The following GJB7 variants were observed in gnomAD, a reference collection of about 807,000 sequenced individuals.
GJB7 encodes gap junction protein beta 7.
For synonymous variants in GJB7, 87 were observed against 95.2 expected, an observed-to-expected ratio of 0.91 and a Z score of 0.50; for missense variants, 253 against 256.8, an observed-to-expected ratio of 0.99 and a Z score of 0.10.
At chr6:87,310,951 T>G (rs1275105048) in intron 2 of GJB7, among the ~76,000 whole-genome samples, 1 of 152,190 alleles carries the variant, frequency 6.6e-6, no homozygotes, top group Non-Finnish European at 1.5e-5. Context: ...GCAGAGTTCT[T>G]AGAGATGATT....
intron 1 of GJB7, among the ~76,000 whole-genome samples, chr6:87,326,513 G>T (rs371969131): frequency 1.1e-4 from 17 of 151,696 alleles, no homozygotes; most frequent in African/African-American, 2.4e-4. Flanking sequence ...TCTGCCTTCA[G>T]TTCGTTATGT....
chr6:87,295,708 C>T (rs979509170), intron 2 of GJB7, among the ~76,000 whole-genome samples: 4 of 152,122 alleles, frequency 2.6e-5, no homozygotes, highest in South Asian at 2.1e-4. Flanking sequence ...GCATGAAGGA[C>T]GTTGCCCCAC....
At chr6:87,305,582 A>G (rs1001381499) in intron 2 of GJB7, among the ~76,000 whole-genome samples, 25 of 152,154 alleles carry the variant, frequency 1.6e-4, no homozygotes, top group African/African-American at 4.6e-4. Context: ...AATCAATATT[A>G]TGAAAATGGC....
At chr6:87,313,449 T>G (rs1454876057) in intron 2 of GJB7, among the ~76,000 whole-genome samples, 1 of 152,238 alleles carries the variant, frequency 6.6e-6, no homozygotes, top group African/African-American at 2.4e-5. Context: ...CTTCCCAAAA[T>G]CTCTGTATTT....
intron 2 of GJB7, among the ~76,000 whole-genome samples, chr6:87,315,870 T>C (rs1272219481): frequency 6.6e-6 from 1 of 150,852 alleles, no homozygotes; most frequent in Non-Finnish European, 1.5e-5. Flanking sequence ...CCTGTTGACA[T>C]GTTTGGATGT....
chr6:87,294,851 C>T (rs961831918), intron 2 of GJB7, among the ~76,000 whole-genome samples: 1 of 152,044 alleles, frequency 6.6e-6, no homozygotes, highest in African/African-American at 2.4e-5. Context: ...GTTTTTTTCC[C>T]CACAATACAT....
chr6:87,314,337 A>T (rs1319440171), intron 2 of GJB7, among the ~76,000 whole-genome samples: 1 of 152,098 alleles, frequency 6.6e-6, no homozygotes, highest in Non-Finnish European at 1.5e-5. Flanking sequence ...TCTCTATCTC[A>T]GAGGGCTCCC....
At chr6:87,323,390 CATT>C (rs749361723) in intron 1 of GJB7, among the ~76,000 whole-genome samples, 17 of 152,096 alleles carry the variant, frequency 1.1e-4, no homozygotes, top group African/African-American at 1.7e-4. Context: ...GGACATCTAA[CATT>C]AGGTATATCT....
chr6:87,302,229 C>T (rs1176655654), intron 2 of GJB7, among the ~76,000 whole-genome samples: 1 of 152,086 alleles, frequency 6.6e-6, no homozygotes, highest in Non-Finnish European at 1.5e-5. Flanking sequence ...CAAACTTCTC[C>T]AAGCTAAAGG....
rs1167131006 is a variant in GJB7 at position 87,325,501 on chromosome 6, C to CT, written c.-205-2459dup. Among the ~76,000 whole-genome samples, 33 of 88,002 alleles carry CT rather than the reference C, an allele frequency of 3.7e-4. 1 individual carries two copies. The East Asian group carries it at 7.9e-3, about 21-fold the overall frequency. The allele number at this position is 88,002 out of a possible 152,430, so 57.7% of individuals were successfully genotyped here. On this transcript the variant is annotated intron_variant, in intron 1 of 2. Transcript: ENST00000525899. ...AGGGTTATTGAATTTTGTCAAAGGC[C>CT]TGTCTGCATCTATTGAGATAATCAT...
chr6:87,319,609 T>G (rs1047662723), intron 2 of GJB7, among the ~76,000 whole-genome samples: 21 of 152,338 alleles, frequency 1.4e-4, no homozygotes, highest in Admixed American at 1.2e-3. Context: ...TTAACTTATT[T>G]TGTCAGAAGA....
At chr6:87,287,195 G>A (rs1452974855) in intron 2 of GJB7, among the ~76,000 whole-genome samples, 2 of 152,146 alleles carry the variant, frequency 1.3e-5, no homozygotes, top group Non-Finnish European at 2.9e-5. Flanking sequence ...CTCCAGGCCT[G>A]CCATGAATTT....
intron 2 of GJB7, among the ~76,000 whole-genome samples, chr6:87,317,236 C>T (rs185002981): frequency 6.6e-5 from 10 of 151,540 alleles, no homozygotes; most frequent in Non-Finnish European, 8.8e-5. Context: ...TGATGGCACA[C>T]GCCTATAACT....
intron 2 of GJB7, among the ~76,000 whole-genome samples, chr6:87,288,838 T>G (rs1408817964): frequency 6.6e-6 from 1 of 152,202 alleles, no homozygotes; most frequent in Non-Finnish European, 1.5e-5. Flanking sequence ...ACCACTCTAA[T>G]CCATGCCACC....
intron 2 of GJB7, among the ~76,000 whole-genome samples, chr6:87,298,148 A>G (rs1582557979): frequency 6.6e-6 from 1 of 152,252 alleles, no homozygotes; most frequent in Non-Finnish European, 1.5e-5. Flanking sequence ...CTAGCTGAGA[A>G]CAACTAGAAT....
chr6:87,321,226 CAA>C (rs56855977), intron 2 of GJB7, among the ~76,000 whole-genome samples: 1,464 of 101,296 alleles, frequency 0.014, 20 homozygotes, highest in East Asian at 0.13. Context: ...CACTCCATCT[CAA>C]AAAAAAAAAA....
rs189659461 is a variant in GJB7, at chr6:87,324,745, C to T, written c.-205-1702G>A. Among the ~76,000 whole-genome samples the T allele has an allele frequency of 6.6e-3, 1,004 of 152,092 alleles. 15 individuals are homozygous for T. The highest frequency in any genetic ancestry group is 0.022 in the African/African-American group (905 of 41,448). On this transcript the variant is annotated intron_variant, in intron 1 of 2. Transcript: ENST00000525899. ...TTCTTTTGGCTTAGGATTGACTTGG[C>T]GATGTGGGCTCTTTTTTGGTTCCAT...
chr6:87,317,419 T>C (rs1363460238), intron 2 of GJB7, among the ~76,000 whole-genome samples: 1 of 146,088 alleles, frequency 6.8e-6, no homozygotes, highest in Admixed American at 6.9e-5. Context: ...CCCTCACTAA[T>C]CTTTAATCTT....
rs543615730 is a variant in GJB7 at position 87,324,024 on chromosome 6, G to C, written c.-205-981C>G. Among the ~76,000 whole-genome samples the C allele has an allele frequency of 1.9e-4, 29 of 150,334 alleles. 1 individual carries two copies. Among genetic ancestry groups the C allele is most frequent in the Admixed American group, 1.6e-3 (24 of 15,204 alleles). On this transcript the variant is annotated intron_variant, in intron 1 of 2. Transcript: ENST00000525899. ...TTGATTTGCATTTCTCTGATGGCCA[G>C]TGATGGTGAGCATTTTTTCATGTGT... is the stretch of plus-strand genomic sequence containing the variant.
Sources: gnomAD v4.1 joint callset for allele counts (sites outside exome capture counted in the v4.1 genomes callset) on GRCh38, gnomAD v4.1.1 for gene constraint, MANE v1.5 for transcripts, NCBI Gene and HGNC (gene_info 2026-07-23, HGNC 2026-07-21) for gene names.